CNTN1: variants seen among roughly 807,000 people sequenced by gnomAD.
CNTN1 encodes the protein contactin-1.
In CNTN1, 38 loss-of-function variants were observed where a neutral mutation model predicts 126.4. That is an observed-to-expected ratio of 0.30 (90% CI 0.23 to 0.39). The LOEUF is 0.39. Among genes scored for constraint, CNTN1 ranks in the 10% least tolerant of loss-of-function variants. The pLI, the probability that CNTN1 is intolerant of heterozygous loss-of-function variation, is 1.00. For missense variants in CNTN1, 1,009 were observed against 1,248.4 expected (o/e 0.81, Z 2.89); for synonymous variants, 413 against 422.6 (o/e 0.98, Z 0.28).
intron 23 of CNTN1, among the ~76,000 whole-genome samples, chr12:41,034,140 C>A (rs1343255817): frequency 6.6e-6 from 1 of 152,120 alleles, no homozygotes; most frequent in African/African-American, 2.4e-5. Context: ...TCTAAAAGAG[C>A]AAGGCATTTT....
At chr12:41,062,243 T>C (rs1462513305) in intron 23 of CNTN1, among the ~76,000 whole-genome samples, 1 of 152,174 alleles carries the variant, frequency 6.6e-6, no homozygotes, top group Non-Finnish European at 1.5e-5. Context: ...AAGAAACTGG[T>C]TTGAAGCCAA....
chr12:41,023,295 A>G (rs1344272281), intron 20 of CNTN1, among the ~76,000 whole-genome samples: 2 of 152,200 alleles, frequency 1.3e-5, no homozygotes, highest in Admixed American at 6.5e-5. Context: ...GACATTTCAA[A>G]TGAGAATTGT....
chr12:40,759,110 G>A (rs1938732510), intron 1 of CNTN1, among the ~76,000 whole-genome samples: 1 of 151,998 alleles, frequency 6.6e-6, no homozygotes. Context: ...CATCATGTTG[G>A]TCAGGCTAGT....
chr12:40,707,247 TTTTTTTTTTTTTTTTTTTTG>T (rs1941788126), intron 1 of CNTN1, among the ~76,000 whole-genome samples: 3 of 112,684 alleles, frequency 2.7e-5, no homozygotes, highest in Admixed American at 8.9e-5. Flanking sequence ...TTTTTTTTTT[TTTTTTTTTTTTTTTTTTTTG>T]AGACGGAGTC....
chr12:40,958,857 G>A (rs771702004), intron 14 of CNTN1, among the ~76,000 whole-genome samples: 8 of 151,812 alleles, frequency 5.3e-5, no homozygotes, highest in Non-Finnish European at 8.8e-5. Context: ...AGTTTCTCTC[G>A]ATATAACCCT....
At chr12:41,033,793 C>T (rs1039143194) in intron 23 of CNTN1, among the ~76,000 whole-genome samples, 37 of 150,996 alleles carry the variant, frequency 2.5e-4, no homozygotes, top group African/African-American at 8.3e-4. Context: ...AATCCCAGCA[C>T]TTTGGGAGGC....
intron 18 of CNTN1, among the ~76,000 whole-genome samples, chr12:41,016,184 C>A (rs571130571): frequency 1.8e-4 from 28 of 152,238 alleles, no homozygotes; most frequent in Non-Finnish European, 3.7e-4. Flanking sequence ...CTGACAAAAA[C>A]GCTGCATTCA....
intron 15 of CNTN1, among the ~76,000 whole-genome samples, chr12:40,974,473 G>T (rs747036160): frequency 6.6e-6 from 1 of 151,792 alleles, no homozygotes; most frequent in Non-Finnish European, 1.5e-5. Flanking sequence ...ATAAAAAAAA[G>T]CTATGATCAG....
intron 7 of CNTN1, among the ~76,000 whole-genome samples, chr12:40,931,041 T>A (rs2136911217): frequency 6.6e-6 from 1 of 152,044 alleles, no homozygotes; most frequent in African/African-American, 2.4e-5. Flanking sequence ...GAAATATTTC[T>A]CCCCTCGCTC....
At position 41,025,144 on chromosome 12, in the gene CNTN1, T is replaced by C. The variant is rs755181630; in HGVS notation, c.2524-6T>C. The C allele has an allele frequency of 5.0e-6, 8 of 1,613,626 alleles. No individual in the cohort carries two copies. The highest frequency in any genetic ancestry group is 1.7e-6 in the Non-Finnish European group (2 of 1,179,830). Reference sequence around the variant, plus strand: ...GCAAAATATAACTCATCCTGAATGTTTGCAGATTCGGTATTGGGCTGCCCA... The same window carrying C: ...GCAAAATATAACTCATCCTGAATGTCTGCAGATTCGGTATTGGGCTGCCCA... On this transcript the variant is annotated splice_region_variant and splice_polypyrimidine_tract_variant and intron_variant, in intron 20 of 23. Transcript: ENST00000551295.
chr12:40,829,355 A>G (rs948145649), intron 1 of CNTN1, among the ~76,000 whole-genome samples: 14 of 152,174 alleles, frequency 9.2e-5, no homozygotes, highest in South Asian at 6.2e-4. Flanking sequence ...ATAAAACATA[A>G]TATATGCACT....
intron 23 of CNTN1, among the ~76,000 whole-genome samples, chr12:41,035,152 C>G (rs1353571671): frequency 1.3e-5 from 2 of 152,146 alleles, no homozygotes; most frequent in Admixed American, 6.6e-5. Context: ...ACAACAACTT[C>G]AATATTTTAT....
At chr12:40,747,849 A>G (rs373066855) in intron 1 of CNTN1, among the ~76,000 whole-genome samples, 2 of 152,270 alleles carry the variant, frequency 1.3e-5, no homozygotes, top group South Asian at 2.1e-4. Flanking sequence ...ACAAAAAACT[A>G]CTTTGGTAAC....
At chr12:40,893,677 C>A (rs1221478746) in intron 1 of CNTN1, among the ~76,000 whole-genome samples, 2 of 152,028 alleles carry the variant, frequency 1.3e-5, no homozygotes, top group Non-Finnish European at 2.9e-5. Context: ...AAAGGAAAAA[C>A]AAAATAATTT....
At chr12:41,057,025 TTATAAATATTATAAATATTTAG>T (rs1566235234) in intron 23 of CNTN1, among the ~76,000 whole-genome samples, 21 of 75,814 alleles carry the variant, frequency 2.8e-4, no homozygotes, top group African/African-American at 1.4e-3. Flanking sequence ...TAAATGATAT[TTATAAATATTATAAATATTTAG>T]ATATTTATAA....
chr12:40,863,814 T>A (rs555077768), intron 1 of CNTN1, among the ~76,000 whole-genome samples: 54 of 152,104 alleles, frequency 3.6e-4, no homozygotes, highest in South Asian at 8.3e-4. Flanking sequence ...GTGGAAAAAT[T>A]GTCTTCCACA....
chr12:40,809,293 G>A (rs1940965893), intron 1 of CNTN1, among the ~76,000 whole-genome samples: 1 of 152,100 alleles, frequency 6.6e-6, no homozygotes, highest in East Asian at 1.9e-4. Context: ...AACTCCTTAT[G>A]AAGAAGCAAA....
intron 1 of CNTN1, among the ~76,000 whole-genome samples, chr12:40,716,583 A>G (rs1444426999): frequency 6.6e-6 from 1 of 152,222 alleles, no homozygotes; most frequent in Non-Finnish European, 1.5e-5. Context: ...CTAGAGACTG[A>G]GACACTAGCT....
chr12:41,043,016 C>CT (rs1949453078), intron 23 of CNTN1, among the ~76,000 whole-genome samples: 1 of 152,154 alleles, frequency 6.6e-6, no homozygotes, highest in African/African-American at 2.4e-5. Context: ...GGATTAAAGA[C>CT]TTACATGTTA....
Sources: gnomAD v4.1 joint callset for allele counts (sites outside exome capture counted in the v4.1 genomes callset) on GRCh38, gnomAD v4.1.1 for gene constraint, MANE v1.5 for transcripts, NCBI Gene and HGNC (gene_info 2026-07-23, HGNC 2026-07-21) for gene names.